Variants in CLEC20A observed in about 807,000 individuals in gnomAD.
CLEC20A encodes the protein C-type lectin domain containing 20A.
intron 3 of CLEC20A, among the ~76,000 whole-genome samples, chr1:178,491,685 A>T (rs1055416620): frequency 6.6e-6 from 1 of 152,218 alleles, no homozygotes; most frequent in Admixed American, 6.5e-5. Flanking sequence ...ACTCCATACC[A>T]TGCAGAAAAC....
intron 4 of CLEC20A, among the ~76,000 whole-genome samples, chr1:178,489,840 G>C (rs1474844579): frequency 6.6e-6 from 1 of 152,182 alleles, no homozygotes; most frequent in Non-Finnish European, 1.5e-5. Flanking sequence ...CCTAAGGCTG[G>C]ATGGAATCCG....
intron 5 of CLEC20A, among the ~76,000 whole-genome samples, chr1:178,486,104 T>C (rs1470975869): frequency 6.6e-6 from 1 of 152,204 alleles, no homozygotes; most frequent in Non-Finnish European, 1.5e-5. Context: ...ACTGTCAGAC[T>C]CTTGCTTTTA....
At position 178,492,486 on chromosome 1, in the gene CLEC20A, G is replaced by C. The variant is rs1317444144; in HGVS notation, c.463+15C>G. Reference sequence around the variant, plus strand: ...GCCAAATTCCCAGAAAAGGGAATGGGGAGCAGGTATGTACCTGGCTTTGGA... The same window carrying C: ...GCCAAATTCCCAGAAAAGGGAATGGCGAGCAGGTATGTACCTGGCTTTGGA... On this transcript the variant is annotated intron_variant, in intron 3 of 7. Transcript: ENST00000623247. The C allele has an allele frequency of 5.0e-6, 2 of 398,554 alleles. No homozygotes were observed. Among genetic ancestry groups the C allele is most frequent in the East Asian group, 7.1e-5 (2 of 28,070 alleles). 24.7% of individuals were successfully genotyped at this position (398,554 alleles called of 1,614,324 possible). A position where few individuals can be genotyped will look rare whatever the true frequency, so the allele number is the denominator to read the frequency against.
At chr1:178,481,014 T>C (rs1377604153) in intron 7 of CLEC20A, 1 of 152,166 alleles carries the variant, frequency 6.6e-6, no homozygotes, top group African/African-American at 2.4e-5. Context: ...TTGAAACTTA[T>C]CAGATGCTAA....
intron 6 of CLEC20A, 77 bp downstream of exon 6, chr1:178,483,098 C>T (rs1649033076): frequency 2.5e-6 from 1 of 397,714 alleles, no homozygotes; most frequent in African/African-American, 2.1e-5. Flanking sequence ...TCTCAAGGGC[C>T]CTGTGCCAAG....
intron 5 of CLEC20A, among the ~76,000 whole-genome samples, chr1:178,484,960 A>G (rs1649099700): frequency 6.6e-6 from 1 of 151,952 alleles, no homozygotes; most frequent in South Asian, 2.1e-4. Flanking sequence ...CCACCCCTTC[A>G]AAGGCCTCTT....
upstream of CLEC20A, chr1:178,497,225 C>T (rs1488516674): frequency 4.4e-5 from 16 of 362,130 alleles, no homozygotes; most frequent in East Asian, 6.1e-4. Flanking sequence ...ATGAAGGCCC[C>T]AGAAGCACAA....
intron 5 of CLEC20A, chr1:178,486,745 C>G (rs1192766130): frequency 2.5e-6 from 1 of 398,476 alleles, no homozygotes; most frequent in Admixed American, 4.4e-5. Context: ...GAGGCTCCCC[C>G]GAGAGGCCGC....
chr1:178,485,524 T>C (rs1480561986), intron 5 of CLEC20A, among the ~76,000 whole-genome samples: 1 of 152,232 alleles, frequency 6.6e-6, no homozygotes, highest in East Asian at 1.9e-4. Flanking sequence ...TTGTTACACC[T>C]TCTATCCTAT....
chr1:178,487,859 T>C (rs1047656268), intron 5 of CLEC20A, among the ~76,000 whole-genome samples: 2 of 152,356 alleles, frequency 1.3e-5, no homozygotes, highest in Non-Finnish European at 1.5e-5. Context: ...TAGGAATCTG[T>C]AAGGAGGCCA....
upstream of CLEC20A, chr1:178,497,157 C>T (rs1649417722): frequency 2.5e-6 from 1 of 393,124 alleles, no homozygotes; most frequent in Non-Finnish European, 4.5e-6. Flanking sequence ...GCTGGAGATG[C>T]GGCCTGGAGG....
intron 5 of CLEC20A, chr1:178,484,637 A>C (rs1185632245): frequency 2.0e-5 from 3 of 152,232 alleles, no homozygotes; most frequent in Non-Finnish European, 4.4e-5. Flanking sequence ...AGCTATGATC[A>C]TACCACTGCT....
At position 178,493,751 on chromosome 1, in the gene CLEC20A, C is replaced by T. The variant is rs115572252; in HGVS notation, c.397+703G>A. On this transcript the variant is annotated intron_variant, in intron 2 of 7. Transcript: ENST00000623247. ...TCCTGCCCAGTTCTGAGACCCTAAC[C>T]ATCCACCTGTGCTTCATGAGAAGAA... 1,359 of 152,392 alleles carry T rather than the reference C, an allele frequency of 8.9e-3. 12 individuals are homozygous for T. The highest frequency in any genetic ancestry group is 0.02 in the Middle Eastern group (6 of 294). The allele number at this position is 152,392 out of a possible 1,614,324, so 9.4% of individuals were successfully genotyped here.
chr1:178,497,468 G>A (rs747119730), upstream of CLEC20A, among the ~76,000 whole-genome samples: 4 of 152,262 alleles, frequency 2.6e-5, no homozygotes, highest in African/African-American at 4.8e-5. Context: ...CCTGCTCCAC[G>A]CCCAGAAGGA....
exon 2 of CLEC20A, chr1:178,494,524 G>A (rs1330717457): frequency 2.5e-6 from 1 of 399,598 alleles, no homozygotes; most frequent in Non-Finnish European, 4.4e-6. Context: ...TCAGCCAAGT[G>A]TACAGCGTGG....
intron 4 of CLEC20A, 73 bp from the exon 5 acceptor site, chr1:178,488,672 G>A: frequency 1.8e-5 from 7 of 398,468 alleles, no homozygotes; most frequent in Non-Finnish European, 2.2e-5. Context: ...CCCAGGCTCT[G>A]ATGGCCCCGC....
At chr1:178,491,350 T>C (rs1398011185) in intron 3 of CLEC20A, among the ~76,000 whole-genome samples, 1 of 152,178 alleles carries the variant, frequency 6.6e-6, no homozygotes, top group Non-Finnish European at 1.5e-5. Flanking sequence ...ATCCTCAGAT[T>C]CAAATGGAGC....
exon 4 of CLEC20A, chr1:178,490,172 C>G (rs1649238155): frequency 5.0e-6 from 2 of 398,662 alleles, no homozygotes; most frequent in Non-Finnish European, 8.8e-6. Flanking sequence ...GTCCTCTCAC[C>G]ATCATCGGCA....
chr1:178,492,540 T>A (rs1179377161), exon 3 of CLEC20A: 3 of 398,360 alleles, frequency 7.5e-6, no homozygotes, highest in Non-Finnish European at 1.3e-5. Flanking sequence ...GAGGGCTTCG[T>A]GGAGATGAGG....
Sources: allele counts gnomAD v4.1 joint callset (sites outside exome capture counted in the v4.1 genomes callset), GRCh38; gene constraint gnomAD v4.1.1; transcripts MANE v1.5; gene names NCBI Gene and HGNC (gene_info 2026-07-23, HGNC 2026-07-21).